FMN2: variants seen among roughly 807,000 people sequenced by gnomAD.
The protein encoded by FMN2 is formin 2.
A neutral mutation model predicts 142.3 loss-of-function variants in FMN2; 51 were observed. The observed-to-expected ratio is 0.36, with a 90% CI of 0.29 to 0.45. The LOEUF (loss-of-function observed/expected upper bound fraction) is 0.45. Ranked by LOEUF, FMN2 falls within the 20% of genes least tolerant of loss-of-function variation. The pLI, the probability that FMN2 is intolerant of heterozygous loss-of-function variation, is 1.00. For synonymous variants in FMN2, 882 were observed against 869.8 expected (o/e 1.01, Z -0.25); for missense variants, 1,936 against 2,122.8 (o/e 0.91, Z 1.73).
chr1:240,183,867 C>G (rs1402360087), intron 3 of FMN2, among the ~76,000 whole-genome samples: 1 of 152,096 alleles, frequency 6.6e-6, no homozygotes, highest in African/African-American at 2.4e-5. Flanking sequence ...GTTAAATTGA[C>G]TGGATTTGAA....
rs200615358 is a variant in FMN2, at chr1:240,308,013, GT to G, written c.4215+13135del. On this transcript the variant is annotated intron_variant, in intron 8 of 17. Coordinates refer to ENST00000319653, the MANE Select transcript of FMN2 (RefSeq NM_020066.5). ...TATTGTGGCTATTAGGTACATTATAGTTTTTAAAATATTCTGTGTTAAAGAG... is the reference window on the plus strand; with the variant it reads ...TATTGTGGCTATTAGGTACATTATAGTTTTAAAATATTCTGTGTTAAAGAG... Among the ~76,000 whole-genome samples the G allele has an allele frequency of 7.1e-3, 1,077 of 152,088 alleles. 17 individuals carry two copies. The highest frequency in any genetic ancestry group is 0.024 in the African/African-American group (1,009 of 41,434).
chr1:240,257,244 C>T (rs530882157), intron 6 of FMN2, among the ~76,000 whole-genome samples: 1 of 152,266 alleles, frequency 6.6e-6, no homozygotes. Context: ...AGGAACCCTT[C>T]GCATGGGATC....
At chr1:240,243,875 A>G (rs933562830) in intron 6 of FMN2, among the ~76,000 whole-genome samples, 1 of 152,124 alleles carries the variant, frequency 6.6e-6, no homozygotes, top group African/African-American at 2.4e-5. Flanking sequence ...CTATTCTTAC[A>G]TCTCTTGTTC....
At chr1:240,128,145 C>T (rs908236733) in intron 2 of FMN2, among the ~76,000 whole-genome samples, 3 of 152,174 alleles carry the variant, frequency 2.0e-5, no homozygotes, top group Non-Finnish European at 4.4e-5. Context: ...ATGCTTGCTA[C>T]TTGGCAGATT....
chr1:240,369,708 A>G (rs1027761646), intron 14 of FMN2, among the ~76,000 whole-genome samples: 23 of 151,644 alleles, frequency 1.5e-4, no homozygotes, highest in African/African-American at 5.1e-4. Context: ...TGCATTGACA[A>G]CTCTACTCGG....
At chr1:240,415,212 A>G (rs1164200496) in intron 15 of FMN2, among the ~76,000 whole-genome samples, 1 of 152,220 alleles carries the variant, frequency 6.6e-6, no homozygotes, top group Non-Finnish European at 1.5e-5. Flanking sequence ...AGCCATAAAA[A>G]GGATGATTTC....
In FMN2 at chr1:240,145,275, G is replaced by A. The variant is rs984186368; in HGVS notation, c.1782+21930G>A. 7.7e-6 allele frequency: 11 copies of A among 1,423,236 alleles called. No individual in the cohort carries two copies. In the East Asian group the frequency reaches 1.2e-4, roughly 15 times the overall value. 88.2% of individuals were successfully genotyped at this position (1,423,236 alleles called of 1,614,324 possible). ...TCTTTGTCCTTGTCCCCGGCATCCC[G>A]CCGCTCCTTGCCGCTTGGCTTCTCA... is the stretch of plus-strand genomic sequence containing the variant. On this transcript the variant is annotated intron_variant, in intron 2 of 17. Transcript: ENST00000319653.
chr1:240,410,131 T>C (rs1206558534), intron 15 of FMN2, among the ~76,000 whole-genome samples: 2 of 150,150 alleles, frequency 1.3e-5, no homozygotes, highest in Non-Finnish European at 3.0e-5. Context: ...AGATGAAATA[T>C]ACTGTCTCCC....
intron 6 of FMN2, among the ~76,000 whole-genome samples, chr1:240,218,816 A>C (rs1043356757): frequency 1.3e-5 from 2 of 152,202 alleles, no homozygotes; most frequent in African/African-American, 2.4e-5. Context: ...TGGAGGGCTA[A>C]TTTATTGTGG....
At chr1:240,420,157 G>T (rs1287713931) in intron 15 of FMN2, among the ~76,000 whole-genome samples, 1 of 152,160 alleles carries the variant, frequency 6.6e-6, no homozygotes, top group Non-Finnish European at 1.5e-5. Context: ...GCACTGTTCA[G>T]TGATGCTGAT....
At chr1:240,366,939 G>T (rs1162639740) in intron 14 of FMN2, among the ~76,000 whole-genome samples, 1 of 152,110 alleles carries the variant, frequency 6.6e-6, no homozygotes, top group Non-Finnish European at 1.5e-5. Context: ...CCCTTTTTGT[G>T]TTGCAAACCT....
intron 7 of FMN2, among the ~76,000 whole-genome samples, chr1:240,268,116 C>T (rs1003979528): frequency 6.6e-6 from 1 of 151,958 alleles, no homozygotes; most frequent in Non-Finnish European, 1.5e-5. Flanking sequence ...TCTCATTAGA[C>T]CCAGTGATCT....
At chr1:240,115,737 C>G (rs1388385504) in intron 1 of FMN2, among the ~76,000 whole-genome samples, 3 of 152,146 alleles carry the variant, frequency 2.0e-5, no homozygotes, top group Admixed American at 2.0e-4. Context: ...CTTGGCTTCC[C>G]TCAGGAAGCA....
intron 6 of FMN2, among the ~76,000 whole-genome samples, chr1:240,239,381 CTATT>C (rs1480718220): frequency 2.6e-5 from 4 of 152,150 alleles, no homozygotes; most frequent in African/African-American, 9.6e-5. Flanking sequence ...AGAAAGAAGA[CTATT>C]TGGTCTGTAA....
rs1471697427 is a variant in FMN2 at position 240,459,717 on chromosome 1, T to TTA, written c.5061-12655_5061-12654insTA. Among the ~76,000 whole-genome samples the TTA allele has an allele frequency of 3.1e-4, 21 of 67,130 alleles. 1 individual carries two copies. The highest frequency in any genetic ancestry group is 1.0e-3 in the African/African-American group (20 of 19,470). The allele number at this position is 67,130 out of a possible 152,430, so 44.0% of individuals were successfully genotyped here. ...GGGTGACAGAACAAGACTCTGTCTC[T>TTA]AAAAAAAAAAAAAAAAAAAAAAAAA... On this transcript the variant is annotated intron_variant, in intron 16 of 17. Coordinates refer to ENST00000319653, the MANE Select transcript of FMN2 (RefSeq NM_020066.5).
chr1:240,257,686 G>A (rs1209444597), intron 6 of FMN2, among the ~76,000 whole-genome samples: 1 of 152,026 alleles, frequency 6.6e-6, no homozygotes, highest in African/African-American at 2.4e-5. Context: ...GACAGATCAG[G>A]CTCTCAAAAG....
chr1:240,155,114 C>T (rs1663967592), intron 2 of FMN2, among the ~76,000 whole-genome samples: 2 of 152,020 alleles, frequency 1.3e-5, no homozygotes, highest in Admixed American at 1.3e-4. Flanking sequence ...TAGTCTCAAA[C>T]TCCTGAGCTC....
intron 2 of FMN2, among the ~76,000 whole-genome samples, chr1:240,155,326 TG>T (rs1663977362): frequency 6.6e-6 from 1 of 152,220 alleles, no homozygotes; most frequent in African/African-American, 2.4e-5. Flanking sequence ...CTGCCCAGGC[TG>T]GAGTACAGTG....
intron 8 of FMN2, among the ~76,000 whole-genome samples, chr1:240,318,376 T>C (rs923715004): frequency 1.3e-5 from 2 of 152,236 alleles, no homozygotes; most frequent in Admixed American, 1.3e-4. Context: ...CCTAGTCCTT[T>C]GTCTGGAGGA....
Sources: gnomAD v4.1 joint callset for allele counts (sites outside exome capture counted in the v4.1 genomes callset) on GRCh38, gnomAD v4.1.1 for gene constraint, MANE v1.5 for transcripts, NCBI Gene and HGNC (gene_info 2026-07-23, HGNC 2026-07-21) for gene names.